Variants in HIRA observed in about 807,000 individuals in gnomAD.
HIRA encodes the protein protein HIRA.
Under a neutral mutation model 126.6 loss-of-function variants are expected in HIRA, and 13 were observed. The ratio of observed to expected loss-of-function variants is 0.10; its 90% CI spans 0.07 to 0.16. The LOEUF is 0.16. Ranked by LOEUF, HIRA falls within the 10% of genes least tolerant of loss-of-function variation. The pLI, the probability that HIRA is intolerant of heterozygous loss-of-function variation, is 1.00. For synonymous variants in HIRA, 511 were observed against 520.0 expected (o/e 0.98, Z 0.24); for missense variants, 834 against 1,314.4 (o/e 0.63, Z 5.65).
chr22:19,393,503 G>A (rs1601841325), intron 8 of HIRA, among the ~76,000 whole-genome samples: 1 of 151,972 alleles, frequency 6.6e-6, no homozygotes, highest in African/African-American at 2.4e-5. Flanking sequence ...GATTACAGGC[G>A]CATGACACCA....
At chr22:19,365,327 T>C (rs2088902651) in intron 15 of HIRA, among the ~76,000 whole-genome samples, 1 of 152,242 alleles carries the variant, frequency 6.6e-6, no homozygotes, top group Admixed American at 6.5e-5. Flanking sequence ...CAGAAGAAGA[T>C]GTCATCTAGG....
Position 19,431,430 on chromosome 22 carries a change from G to T in HIRA, c.37+10C>A. ...GGGCTCGGCCTCCCGCGACCCCTGC[G>T]CGCACTCACCATTGTGGTTGACCCA... is the stretch of plus-strand genomic sequence containing the variant. On this transcript the variant is annotated intron_variant, in intron 1 of 24. Transcript: ENST00000263208. 6.2e-7 allele frequency: 1 copy of T among 1,608,592 alleles called. No homozygotes were observed.
intron 11 of HIRA, 124 bp from the exon 12 acceptor site, chr22:19,385,860 C>T (rs1394077869): frequency 6.2e-6 from 5 of 807,756 alleles, no homozygotes; most frequent in Non-Finnish European, 1.0e-5. Flanking sequence ...CCAAGGCCAA[C>T]TCCCCATCGC....
intron 7 of HIRA, 124 bp downstream of exon 7, chr22:19,396,663 G>GC: frequency 1.1e-6 from 1 of 913,542 alleles, no homozygotes; most frequent in Non-Finnish European, 1.7e-6. Context: ...ATCCGCTCAG[G>GC]CCCCCGGACT....
chr22:19,367,168 C>G (rs1250763961), intron 15 of HIRA, among the ~76,000 whole-genome samples: 1 of 152,152 alleles, frequency 6.6e-6, no homozygotes, highest in African/African-American at 2.4e-5. Flanking sequence ...ACTAATCATA[C>G]TTTAATACAA....
chr22:19,360,289 G>A (rs1314316145), intron 17 of HIRA, among the ~76,000 whole-genome samples: 4 of 152,152 alleles, frequency 2.6e-5, no homozygotes, highest in Non-Finnish European at 5.9e-5. Context: ...AGGAGTTTGG[G>A]AGAGTTCTGT....
intron 9 of HIRA, among the ~76,000 whole-genome samples, chr22:19,391,644 C>A (rs1457024782): frequency 6.6e-6 from 1 of 152,058 alleles, no homozygotes; most frequent in Non-Finnish European, 1.5e-5. Flanking sequence ...CCACGCCCAG[C>A]TAATTTTTTG....
Position 19,385,440 on chromosome 22 carries a change from C to T in HIRA, c.1329+81G>A. 7.2e-6 allele frequency: 10 copies of T among 1,380,068 alleles called. No individual in the cohort carries two copies. In the South Asian group the frequency reaches 1.3e-4, roughly 18 times the overall value. 85.5% of individuals were successfully genotyped at this position (1,380,068 alleles called of 1,614,324 possible). ...CGTACCACTCTAAACAAACCCCTTC[C>T]TTACCACCACTGGTGTCTGCCCCTC... On this transcript the variant is annotated intron_variant, in intron 12 of 24. Coordinates refer to ENST00000263208, the MANE Select transcript of HIRA (RefSeq NM_003325.4).
chr22:19,366,644 C>A (rs1046314256), intron 15 of HIRA, among the ~76,000 whole-genome samples: 6 of 152,128 alleles, frequency 3.9e-5, no homozygotes, highest in Non-Finnish European at 7.3e-5. Context: ...TTGCTGCAAT[C>A]TCATAAAAAA....
At chr22:19,424,886 GA>G (rs1368023017) in intron 1 of HIRA, among the ~76,000 whole-genome samples, 1 of 152,214 alleles carries the variant, frequency 6.6e-6, no homozygotes, top group East Asian at 1.9e-4. Context: ...GCAACTTAAA[GA>G]GACGTGTCCC....
At chr22:19,426,988 C>G (rs1410081279) in intron 1 of HIRA, among the ~76,000 whole-genome samples, 2 of 152,140 alleles carry the variant, frequency 1.3e-5, no homozygotes, top group Non-Finnish European at 2.9e-5. Flanking sequence ...ATATCTGATT[C>G]CAAAAACAGA....
chr22:19,348,329 G>A (rs1333271484), intron 24 of HIRA, among the ~76,000 whole-genome samples: 1 of 152,282 alleles, frequency 6.6e-6, no homozygotes, highest in East Asian at 1.9e-4. Context: ...CAATCTGAAT[G>A]AGAAACAGCA....
chr22:19,334,886 T>C (rs373769422), intron 24 of HIRA, among the ~76,000 whole-genome samples: 1 of 152,186 alleles, frequency 6.6e-6, no homozygotes, highest in South Asian at 2.1e-4. Context: ...TATGTATGTT[T>C]TTCTGCCTTC....
chr22:19,359,426 C>G lies in HIRA; in HGVS notation c.2144G>C (p.Gly715Ala), dbSNP rs760967846. Reference protein sequence around the residue: ...EVENEVTVVGGVKLSRLKCNR... With the variant: ...EVENEVTVVGAVKLSRLKCNR... ...GCACTTCAGGCGGCTCAGCTTCACG[C>G]CCCCCACCACTGTCACTTCATTCTC... Residue 715 changes from glycine (G) to alanine (A), a missense_variant, in exon 18 of 25, where the codon GGC becomes GCC. Physicochemically the swap from Gly to Ala is moderately conservative, Grantham distance 60. Coordinates refer to ENST00000263208, the MANE Select transcript of HIRA (RefSeq NM_003325.4). 1.2e-5 allele frequency: 20 copies of G among 1,609,578 alleles called. No homozygotes were observed. Among genetic ancestry groups the G allele is most frequent in the Admixed American group, 3.4e-5 (2 of 59,154 alleles).
At chr22:19,418,587 G>T (rs1364629976) in intron 1 of HIRA, among the ~76,000 whole-genome samples, 3 of 71,108 alleles carry the variant, frequency 4.2e-5, no homozygotes, top group African/African-American at 2.0e-4. Context: ...AGCCGAGATC[G>T]CGCCTGTTCC....
chr22:19,420,370 G>C (rs1310356790), intron 1 of HIRA, among the ~76,000 whole-genome samples: 1 of 150,386 alleles, frequency 6.6e-6, no homozygotes, highest in Non-Finnish European at 1.5e-5. Context: ...GGAGGCTGAG[G>C]TGGGAGGATC....
chr22:19,360,292 A>G (rs1358147114), intron 17 of HIRA, among the ~76,000 whole-genome samples: 2 of 152,058 alleles, frequency 1.3e-5, no homozygotes, highest in Non-Finnish European at 2.9e-5. Flanking sequence ...AGTTTGGGAG[A>G]GTTCTGTGCT....
intron 1 of HIRA, among the ~76,000 whole-genome samples, chr22:19,418,703 A>G (rs949710393): frequency 2.0e-5 from 3 of 152,170 alleles, no homozygotes; most frequent in Non-Finnish European, 4.4e-5. Flanking sequence ...AGATACATGA[A>G]CCTGCACAGG....
At chr22:19,407,404 G>A in intron 3 of HIRA, 130 bp from the exon 4 acceptor site, 1 of 677,016 alleles carries the variant, frequency 1.5e-6, no homozygotes, top group South Asian at 1.8e-5. Context: ...TCTACTGTGT[G>A]AGAGCCCCAG....
Sources: gnomAD v4.1 joint callset for allele counts (sites outside exome capture counted in the v4.1 genomes callset) on GRCh38, gnomAD v4.1.1 for gene constraint, MANE v1.5 for transcripts, NCBI Gene and HGNC (gene_info 2026-07-23, HGNC 2026-07-21) for gene names.